The following IMPG1 variants were observed in gnomAD, a reference collection of about 807,000 sequenced individuals.
IMPG1 encodes interphotoreceptor matrix proteoglycan 1.
In IMPG1, 85 loss-of-function variants were observed where a neutral mutation model predicts 92.0. The ratio of observed to expected loss-of-function variants is 0.92; its 90% CI spans 0.78 to 1.11. IMPG1 has a LOEUF of 1.11. IMPG1 is among the 50% of genes least tolerant of loss of function. The pLI is 0.00. For synonymous variants in IMPG1, 367 were observed against 334.1 expected (o/e 1.10, Z -1.08); for missense variants, 1,022 against 956.0 (o/e 1.07, Z -0.91).
chr6:76,049,548 G>C (rs1341757767), intron 1 of IMPG1, among the ~76,000 whole-genome samples: 1 of 152,142 alleles, frequency 6.6e-6, no homozygotes, highest in African/African-American at 2.4e-5. Flanking sequence ...TATTCAATGT[G>C]TGGATATGAC....
chr6:76,068,003 G>A (rs1375390913), intron 1 of IMPG1, among the ~76,000 whole-genome samples: 1 of 151,972 alleles, frequency 6.6e-6, no homozygotes, highest in Non-Finnish European at 1.5e-5. Context: ...CACAATAAAA[G>A]CCATCAAGAA....
chr6:76,035,499 CAAAAAAAA>C (rs34929063), intron 2 of IMPG1, among the ~76,000 whole-genome samples: 2 of 62,170 alleles, frequency 3.2e-5, no homozygotes, highest in African/African-American at 6.3e-5. Context: ...AACTCCGTCT[CAAAAAAAA>C]AAAAAAAAAA....
At chr6:75,991,436 T>C (rs923506358) in intron 12 of IMPG1, among the ~76,000 whole-genome samples, 2 of 151,368 alleles carry the variant, frequency 1.3e-5, no homozygotes, top group African/African-American at 4.9e-5. Flanking sequence ...ACACTTGACT[T>C]CTCACCCTAA....
At chr6:75,922,750 T>C (rs932258457) in intron 16 of IMPG1, among the ~76,000 whole-genome samples, 3 of 152,178 alleles carry the variant, frequency 2.0e-5, no homozygotes, top group African/African-American at 7.2e-5. Flanking sequence ...TTTTTCTGTT[T>C]TTCCAATTTT....
intron 12 of IMPG1, among the ~76,000 whole-genome samples, chr6:75,972,576 A>G (rs891601436): frequency 6.6e-6 from 1 of 152,172 alleles, no homozygotes; most frequent in African/African-American, 2.4e-5. Context: ...ACCTGCCTCT[A>G]TAAAATGCAG....
chr6:75,986,718 G>A (rs1489255976), intron 12 of IMPG1, among the ~76,000 whole-genome samples: 1 of 151,832 alleles, frequency 6.6e-6, no homozygotes, highest in Non-Finnish European at 1.5e-5. Flanking sequence ...GCCTGCATAG[G>A]AGAAAGCAGA....
chr6:76,019,850 A>T (rs543817855), intron 6 of IMPG1, among the ~76,000 whole-genome samples: 2 of 152,284 alleles, frequency 1.3e-5, no homozygotes, highest in South Asian at 4.1e-4. Context: ...TATTCTGGGG[A>T]TATTTAACCA....
intron 9 of IMPG1, among the ~76,000 whole-genome samples, 182 bp from the exon 10 acceptor site, chr6:76,005,716 T>C (rs1328224991): frequency 2.6e-5 from 4 of 152,112 alleles, no homozygotes; most frequent in Non-Finnish European, 4.4e-5. Context: ...GAAAAAAGAA[T>C]AAATATATCT....
chr6:75,935,356 C>G (rs1028269841), intron 14 of IMPG1, among the ~76,000 whole-genome samples: 12 of 152,234 alleles, frequency 7.9e-5, no homozygotes, highest in Admixed American at 7.2e-4. Flanking sequence ...TTTCCCATTT[C>G]AAAAAGGCAG....
chr6:75,939,092 G>A (rs1032110925), intron 14 of IMPG1, among the ~76,000 whole-genome samples: 3 of 152,178 alleles, frequency 2.0e-5, no homozygotes, highest in African/African-American at 4.8e-5. Context: ...ACCTGCCTTA[G>A]CCTCCCAAAG....
Position 75,996,567 on chromosome 6 carries a change from G to C in IMPG1, c.1291+6351C>G, listed in dbSNP as rs73466836. ...AAAACTGGACTGTAACTTGGGAAAGGAGTTGGGAGCAGCCTGGAAAAAGGG... is the reference window on the plus strand; with the variant it reads ...AAAACTGGACTGTAACTTGGGAAAGCAGTTGGGAGCAGCCTGGAAAAAGGG... On this transcript the variant is annotated intron_variant, in intron 12 of 16. Coordinates refer to ENST00000369950, the MANE Select transcript of IMPG1 (RefSeq NM_001563.4). Among the ~76,000 whole-genome samples, 1,330 of 152,290 alleles carry C rather than the reference G, an allele frequency of 8.7e-3. 26 individuals carry two copies. The highest frequency in any genetic ancestry group is 0.03 in the African/African-American group (1,262 of 41,552).
In IMPG1 at chr6:75,974,330, CCTTTCTTTCTTTCTTTCTTTCTTTCTTT is replaced by C. The variant is rs558072098; in HGVS notation, c.1292-23264_1292-23237del. On this transcript the variant is annotated intron_variant, in intron 12 of 16. Transcript: ENST00000369950. ...TTTTCTTTCTTTCCCTCTTTCTTTCCCTTTCTTTCTTTCTTTCTTTCTTTCTTTCTTTCTTTCTTTCTTTCTTTCTTTC... is the reference window on the plus strand; with the variant it reads ...TTTTCTTTCTTTCCCTCTTTCTTTCCCTTTCTTTCTTTCTTTCTTTCTTTC... Among the ~76,000 whole-genome samples, 310 of 98,248 alleles carry C rather than the reference CCTTTCTTTCTTTCTTTCTTTCTTTCTTT, an allele frequency of 3.2e-3. 3 individuals carry two copies. Among genetic ancestry groups the C allele is most frequent in the Middle Eastern group, 5.3e-3 (1 of 190 alleles). The allele number at this position is 98,248 out of a possible 152,430, so 64.5% of individuals were successfully genotyped here. A position where few individuals can be genotyped will look rare whatever the true frequency, so the allele number is the denominator to read the frequency against.
chr6:76,010,958 A>G (rs896620881), intron 8 of IMPG1, among the ~76,000 whole-genome samples: 9 of 152,228 alleles, frequency 5.9e-5, no homozygotes, highest in Non-Finnish European at 1.2e-4. Context: ...GAAGGAAGGA[A>G]TACAGCTCCT....
In IMPG1 at chr6:76,011,154, T is replaced by C. The variant is rs1473761340; in HGVS notation, c.866+12A>G. 1 of 1,379,320 alleles carries C rather than the reference T, an allele frequency of 7.2e-7. No individual in the cohort carries two copies. The highest frequency in any genetic ancestry group is 2.3e-5 in the East Asian group (1 of 43,528). The allele number at this position is 1,379,320 out of a possible 1,614,324, so 85.4% of individuals were successfully genotyped here. On this transcript the variant is annotated intron_variant, in intron 8 of 16. Transcript: ENST00000369950. ...ATTTAAAAATTGAGAAGAGTTTGAT[T>C]CTCTTACTTACCTAAATCCTAACAC...
intron 4 of IMPG1, among the ~76,000 whole-genome samples, chr6:76,026,813 T>C (rs1783547224): frequency 1.3e-5 from 2 of 152,218 alleles, no homozygotes; most frequent in Admixed American, 1.3e-4. Context: ...ATCACTGTGT[T>C]CTCTGCAAAG....
chr6:76,002,558 C>T (rs937830449), intron 12 of IMPG1, among the ~76,000 whole-genome samples: 3 of 152,146 alleles, frequency 2.0e-5, no homozygotes, highest in African/African-American at 7.2e-5. Flanking sequence ...TGGACTTGGG[C>T]CTTAGGACCT....
At chr6:75,923,604 T>C in intron 16 of IMPG1, 30 bp downstream of exon 16, 2 of 1,132,580 alleles carry the variant, frequency 1.8e-6, no homozygotes, top group Non-Finnish European at 2.7e-6. Context: ...AGTTTAGTAA[T>C]TGCAACCAAC....
intron 12 of IMPG1, among the ~76,000 whole-genome samples, chr6:75,963,950 G>T (rs1562350266): frequency 6.6e-6 from 1 of 152,198 alleles, no homozygotes; most frequent in Non-Finnish European, 1.5e-5. Context: ...CCAGGCAAAT[G>T]CACTAATTGC....
chr6:76,008,498 T>C (rs1783132040), intron 8 of IMPG1, among the ~76,000 whole-genome samples: 1 of 152,166 alleles, frequency 6.6e-6, no homozygotes, highest in African/African-American at 2.4e-5. Flanking sequence ...ATGACTGAAA[T>C]GTACATGCTA....
Sources: gnomAD v4.1 joint callset for allele counts (sites outside exome capture counted in the v4.1 genomes callset) on GRCh38, gnomAD v4.1.1 for gene constraint, MANE v1.5 for transcripts, NCBI Gene and HGNC (gene_info 2026-07-23, HGNC 2026-07-21) for gene names.